FBXW8: variants seen among roughly 807,000 people sequenced by gnomAD.
FBXW8 encodes the protein F-box and WD repeat domain containing 8, also known as F-box/WD repeat-containing protein 8.
FBXW8 carries 57 observed loss-of-function variants against 65.3 expected under a neutral mutation model. The observed-to-expected ratio is 0.87, with a 90% CI of 0.71 to 1.09. The LOEUF is 1.09. Among genes scored for constraint, FBXW8 ranks in the 50% least tolerant of loss-of-function variants. FBXW8 has a pLI of 0.00. For missense variants in FBXW8, 777 were observed against 814.8 expected, an observed-to-expected ratio of 0.95 and a Z score of 0.57; for synonymous variants, 308 against 330.2, an observed-to-expected ratio of 0.93 and a Z score of 0.73.
intron 7 of FBXW8, chr12:117,002,603 G>C: frequency 6.6e-6 from 1 of 152,222 alleles, no homozygotes; most frequent in African/African-American, 2.4e-5. Flanking sequence ...AGATACGGCC[G>C]TGTTACCAAG....
At chr12:116,990,039 C>T (rs1014432486) in intron 7 of FBXW8, among the ~76,000 whole-genome samples, 2 of 152,190 alleles carry the variant, frequency 1.3e-5, no homozygotes, top group South Asian at 2.1e-4. Flanking sequence ...ATTTTTACAT[C>T]TTACTTCCTC....
At position 117,028,184 on chromosome 12, in the gene FBXW8, A is replaced by T. The variant is rs1287575517; in HGVS notation, c.*12A>T. 1.2e-6 allele frequency: 2 copies of T among 1,612,436 alleles called. No individual in the cohort carries two copies. The highest frequency in any genetic ancestry group is 4.5e-5 in the East Asian group (2 of 44,840). ...ATAACCATGTTTAGGGATGTGCCTC[A>T]GTTGGGAGCAAGGAGAAAAATGGGA... On this transcript the variant is annotated 3_prime_UTR_variant, in exon 11 of 11. Transcript: ENST00000652555. The surrounding 1 kb of genome is among the most constrained non-coding windows in gnomAD (Gnocchi z 4.1).
At chr12:116,978,258 A>G (rs2135653383) in intron 5 of FBXW8, 1 of 151,940 alleles carries the variant, frequency 6.6e-6, no homozygotes, top group Non-Finnish European at 1.5e-5. Context: ...ACTGATACTA[A>G]TCTCCCACCG....
At chr12:116,992,576 C>G (rs1434258606) in intron 7 of FBXW8, among the ~76,000 whole-genome samples, 1 of 152,114 alleles carries the variant, frequency 6.6e-6, no homozygotes, top group Non-Finnish European at 1.5e-5. Context: ...TTCTGAGTCT[C>G]TAGGGTCCTC....
chr12:116,987,501 G>A (rs916683078), intron 6 of FBXW8, among the ~76,000 whole-genome samples: 1 of 152,176 alleles, frequency 6.6e-6, no homozygotes, highest in East Asian at 1.9e-4. Context: ...ACTGGGGAGC[G>A]GGGTGGGTAG....
At chr12:116,952,286 T>C in intron 4 of FBXW8, among the ~76,000 whole-genome samples, 1 of 152,242 alleles carries the variant, frequency 6.6e-6, no homozygotes, top group East Asian at 1.9e-4. Flanking sequence ...GCACAAATGA[T>C]AAATTCACCA....
chr12:116,919,919 T>G (rs2137292937), intron 1 of FBXW8, among the ~76,000 whole-genome samples: 1 of 152,362 alleles, frequency 6.6e-6, no homozygotes, highest in Non-Finnish European at 1.5e-5. Flanking sequence ...TTTAATGGCT[T>G]AACCTTCTTC....
rs1409684914 is a variant in FBXW8, at chr12:116,961,722, AT to A, written c.678-2974del. Among the ~76,000 whole-genome samples, 1 of 152,202 alleles carries A rather than the reference AT, an allele frequency of 6.6e-6. No individual in the cohort carries two copies. The highest frequency in any genetic ancestry group is 1.5e-5 in the Non-Finnish European group (1 of 68,036). ...GATGAACAGTGAGATGATCACAGAC[AT>A]GCACCACTGCCATGACGGAGACGTC... On this transcript the variant is annotated intron_variant, in intron 4 of 10. Coordinates refer to ENST00000652555, the MANE Select transcript of FBXW8 (RefSeq NM_153348.3). The surrounding 1 kb of genome is among the most constrained non-coding windows in gnomAD (Gnocchi z 4.4).
intron 4 of FBXW8, among the ~76,000 whole-genome samples, chr12:116,951,954 C>A (rs919696464): frequency 2.0e-5 from 3 of 152,210 alleles, no homozygotes; most frequent in Non-Finnish European, 4.4e-5. Flanking sequence ...ATTGTTCACT[C>A]TTTTGTCCGT....
chr12:116,988,210 A>G (rs1267089111), intron 6 of FBXW8, among the ~76,000 whole-genome samples: 1 of 152,172 alleles, frequency 6.6e-6, no homozygotes, highest in African/African-American at 2.4e-5. Flanking sequence ...TTTGTAAGTA[A>G]CTTCTAGAAG....
chr12:116,934,401 A>T (rs187511698), intron 2 of FBXW8, among the ~76,000 whole-genome samples: 342 of 152,256 alleles, frequency 2.2e-3, no homozygotes, highest in African/African-American at 7.8e-3. Flanking sequence ...TTCATTGAAC[A>T]GGTTTGTAAT....
At chr12:117,006,871 C>T (rs1168977616) in intron 7 of FBXW8, among the ~76,000 whole-genome samples, 1 of 152,248 alleles carries the variant, frequency 6.6e-6, no homozygotes, top group East Asian at 1.9e-4. Context: ...ATAAACAATC[C>T]ATATGGAGTT....
chr12:116,973,483 G>A lies in FBXW8; in HGVS notation c.835+8629G>A, dbSNP rs376688645. On this transcript the variant is annotated intron_variant, in intron 5 of 10. Coordinates refer to ENST00000652555, the MANE Select transcript of FBXW8 (RefSeq NM_153348.3). The stretch of plus-strand genomic sequence containing the variant: ...AAAGTGATCACATTTAACATCATCA[G>A]TAATGGTAGAATTGATAACCTGTGC... 4.6e-5 allele frequency among the ~76,000 whole-genome samples: 7 copies of A among 152,352 alleles called. No homozygotes were observed. In the East Asian group the frequency reaches 9.6e-4, roughly 21 times the overall value.
chr12:116,918,042 T>C (rs772167825), intron 1 of FBXW8, among the ~76,000 whole-genome samples: 9 of 151,046 alleles, frequency 6.0e-5, no homozygotes, highest in Non-Finnish European at 1.3e-4. Flanking sequence ...CCAAGCCTCA[T>C]GTTTTATGAA....
intron 8 of FBXW8, among the ~76,000 whole-genome samples, chr12:117,012,742 A>C (rs1953856115): frequency 6.6e-6 from 1 of 152,164 alleles, no homozygotes; most frequent in Non-Finnish European, 1.5e-5. Context: ...TGACTGATGC[A>C]ATTTTTTACA....
chr12:117,008,086 C>T (rs1275706068), intron 7 of FBXW8, among the ~76,000 whole-genome samples: 4 of 152,142 alleles, frequency 2.6e-5, no homozygotes, highest in Non-Finnish European at 4.4e-5. Flanking sequence ...CTCACTATAT[C>T]ACTAAGAAAT....
intron 7 of FBXW8, among the ~76,000 whole-genome samples, chr12:116,996,675 T>C (rs1479872216): frequency 1.3e-5 from 2 of 152,358 alleles, no homozygotes; most frequent in South Asian, 2.1e-4. Flanking sequence ...GTTTTTAATA[T>C]TTATCTGCTT....
chr12:116,940,189 C>CT (rs1182869117), intron 2 of FBXW8, among the ~76,000 whole-genome samples: 1 of 151,756 alleles, frequency 6.6e-6, no homozygotes, highest in African/African-American at 2.4e-5. Context: ...CCGTGTCAGC[C>CT]TGGGGGGTGG....
intron 2 of FBXW8, among the ~76,000 whole-genome samples, chr12:116,939,559 A>G (rs1235757187): frequency 6.6e-6 from 1 of 152,200 alleles, no homozygotes; most frequent in East Asian, 1.9e-4. Context: ...AAGAATGGCT[A>G]CATTTATATG....
Sources: gnomAD v4.1 joint callset for allele counts (sites outside exome capture counted in the v4.1 genomes callset) on GRCh38, gnomAD v4.1.1 for gene constraint, Gnocchi (gnomAD v3.1) non-coding constraint, MANE v1.5 for transcripts, NCBI Gene and HGNC (gene_info 2026-07-23, HGNC 2026-07-21) for gene names.